RFXAP: variants seen among roughly 807,000 people sequenced by gnomAD.
RFXAP encodes the protein regulatory factor X associated protein.
RFXAP carries 21 observed loss-of-function variants against 25.7 expected under a neutral mutation model. That is an observed-to-expected ratio of 0.82 (90% confidence interval 0.58 to 1.18). The LOEUF (loss-of-function observed/expected upper bound fraction) is 1.18. Among genes scored for constraint, RFXAP ranks in the 50% most tolerant of loss-of-function variants. RFXAP has a pLI of 0.00. For missense variants in RFXAP, 333 were observed against 363.0 expected (o/e 0.92, Z 0.67); for synonymous variants, 161 against 152.2 (o/e 1.06, Z -0.43).
intron 1 of RFXAP, among the ~76,000 whole-genome samples, chr13:36,821,611 A>G (rs1259270078): frequency 1.3e-5 from 2 of 152,118 alleles, no homozygotes; most frequent in Non-Finnish European, 2.9e-5. Context: ...GCAGTGAGCC[A>G]TGGTTGTGCT....
At chr13:36,824,402 G>T (rs1169638968) in intron 1 of RFXAP, among the ~76,000 whole-genome samples, 3 of 152,044 alleles carry the variant, frequency 2.0e-5, no homozygotes, top group Non-Finnish European at 4.4e-5. Context: ...GTAATATCAG[G>T]TTGGTAAACT....
chr13:36,827,608 A>T, intron 2 of RFXAP, 35 bp from the exon 3 acceptor site: 4 of 1,397,908 alleles, frequency 2.9e-6, no homozygotes, highest in Non-Finnish European at 4.1e-6. Context: ...GACATAGATT[A>T]ATGCTATTAA....
Position 36,819,769 on chromosome 13 carries a change from A to T in RFXAP, c.412A>T (p.Ser138Cys), listed in dbSNP as rs779087570. 2.6e-6 allele frequency: 4 copies of T among 1,563,798 alleles called. No individual in the cohort carries two copies. Among genetic ancestry groups the T allele is most frequent in the East Asian group, 2.4e-5 (1 of 41,962 alleles). Reference sequence around the variant, plus strand: ...GCGGGGCAGCGGTGGGGGCAGCATGAGCAAGACCTGCACCTACGAAGGCTG... The same window carrying T: ...GCGGGGCAGCGGTGGGGGCAGCATGTGCAAGACCTGCACCTACGAAGGCTG... ...RRRGSGGGSM[S>C]KTCTYEGCSE... The change falls in exon 1 of 3, where the codon AGC becomes TGC. Residue 138 changes from serine to cysteine, a missense_variant. Transcript: ENST00000255476.
intron 2 of RFXAP, among the ~76,000 whole-genome samples, chr13:36,827,040 A>G (rs1415720437): frequency 6.6e-6 from 1 of 152,132 alleles, no homozygotes; most frequent in East Asian, 1.9e-4. Flanking sequence ...TATTATTACA[A>G]CTATATTTTA....
chr13:36,827,667 G>C lies in RFXAP; in HGVS notation c.733G>C (p.Val245Leu), dbSNP rs1267840324. 11 of 1,613,626 alleles carry C rather than the reference G, an allele frequency of 6.8e-6. No individual in the cohort carries two copies. The highest frequency in any genetic ancestry group is 2.2e-5 in the South Asian group (2 of 91,036). ...GTCGTTACTAAGAAGTCCAGAAGTAGTGCAATTTTTACAGAAACAGCAACA... is the reference window on the plus strand; with the variant it reads ...GTCGTTACTAAGAAGTCCAGAAGTACTGCAATTTTTACAGAAACAGCAACA... Reference protein sequence around the residue: ...RLSLLRSPEVVQFLQKQQQLL... With the variant: ...RLSLLRSPEVLQFLQKQQQLL... Residue 245 changes from valine to leucine, a missense_variant, in exon 3 of 3, where the codon GTG becomes CTG. Physicochemically the swap from Val to Leu is conservative, Grantham distance 32 (BLOSUM62 1). Coordinates refer to ENST00000255476, the MANE Select transcript of RFXAP (RefSeq NM_000538.4).
At chr13:36,824,618 A>G (rs751753109) in intron 1 of RFXAP, among the ~76,000 whole-genome samples, 13 of 152,216 alleles carry the variant, frequency 8.5e-5, no homozygotes, top group Non-Finnish European at 1.6e-4. Context: ...ATTGTGGCAT[A>G]GTTTTGTAAG....
intron 1 of RFXAP, among the ~76,000 whole-genome samples, chr13:36,820,908 C>T (rs1056523061): frequency 6.6e-5 from 10 of 152,102 alleles, no homozygotes; most frequent in Admixed American, 4.6e-4. Context: ...ACACAGTGTC[C>T]AGCAACTGGC....
intron 1 of RFXAP, among the ~76,000 whole-genome samples, chr13:36,820,243 A>T (rs1270676373): frequency 1.3e-5 from 2 of 152,240 alleles, no homozygotes; most frequent in East Asian, 3.8e-4. Flanking sequence ...AAGGACATAG[A>T]GTAAATGATC....
chr13:36,819,323 C>T lies in RFXAP; in HGVS notation c.-35C>T. ...CGTTAGGCCAAGCAGGTGCTAAAAG[C>T]CCGGGGTCGTGGACCCCGGCCAGGT... On this transcript the variant is annotated 5_prime_UTR_variant, in exon 1 of 3. Transcript: ENST00000255476. The T allele has an allele frequency of 8.0e-7, 1 of 1,251,006 alleles. No individual in the cohort carries two copies. The highest frequency in any genetic ancestry group is 3.1e-4 in the Middle Eastern group (1 of 3,196). 77.5% of individuals were successfully genotyped at this position (1,251,006 alleles called of 1,614,324 possible). A position where few individuals can be genotyped will look rare whatever the true frequency, so the allele number is the denominator to read the frequency against.
Position 36,819,243 on chromosome 13 carries a change from C to A in RFXAP, c.-115C>A, listed in dbSNP as rs1165122710. 6 of 1,085,618 alleles carry A rather than the reference C, an allele frequency of 5.5e-6. No homozygotes were observed. Among genetic ancestry groups the A allele is most frequent in the South Asian group, 4.8e-5 (1 of 21,028 alleles). The allele number at this position is 1,085,618 out of a possible 1,614,324, so 67.2% of individuals were successfully genotyped here. A position where few individuals can be genotyped will look rare whatever the true frequency, so the allele number is the denominator to read the frequency against. On this transcript the variant is annotated 5_prime_UTR_variant, in exon 1 of 3. Coordinates refer to ENST00000255476, the MANE Select transcript of RFXAP (RefSeq NM_000538.4). Reference sequence around the variant, plus strand: ...GCGCAGGCGCAGTCGGGGCGCCTTCCCGGTATAGGCGCCTTTTACCCCAGC... The same window carrying A: ...GCGCAGGCGCAGTCGGGGCGCCTTCACGGTATAGGCGCCTTTTACCCCAGC...
intron 1 of RFXAP, among the ~76,000 whole-genome samples, chr13:36,824,553 G>A (rs1002078351): frequency 9.2e-5 from 14 of 152,104 alleles, no homozygotes; most frequent in Non-Finnish European, 1.6e-4. Flanking sequence ...ATGGCTTTCC[G>A]GTAAAACATT....
At chr13:36,825,277 T>C in intron 1 of RFXAP, 151 bp from the exon 2 acceptor site, 3 of 603,740 alleles carry the variant, frequency 5.0e-6, no homozygotes, top group Non-Finnish European at 9.0e-6. Context: ...ACTTTGCCTA[T>C]GATAATGAAG....
chr13:36,824,227 C>T (rs903431920), intron 1 of RFXAP, among the ~76,000 whole-genome samples: 10 of 152,136 alleles, frequency 6.6e-5, no homozygotes, highest in Admixed American at 4.6e-4. Flanking sequence ...TCAATTTCAG[C>T]ATTCCATTAT....
At chr13:36,823,756 A>G (rs2057969995) in intron 1 of RFXAP, among the ~76,000 whole-genome samples, 2 of 152,220 alleles carry the variant, frequency 1.3e-5, no homozygotes, top group South Asian at 4.1e-4. Flanking sequence ...TACTCCACCA[A>G]TCTAAGAACT....
chr13:36,827,847 C>A lies in RFXAP; in HGVS notation c.*94C>A. The A allele has an allele frequency of 1.1e-6, 1 of 932,028 alleles. No homozygotes were observed. The highest frequency in any genetic ancestry group is 1.7e-6 in the Non-Finnish European group (1 of 582,736). 57.7% of individuals were successfully genotyped at this position (932,028 alleles called of 1,614,324 possible). ...GACATAAATGGGGTAATAATCTATG[C>A]CTGTAGAACATAAACATTTTCCTGT... On this transcript the variant is annotated 3_prime_UTR_variant, in exon 3 of 3. Coordinates refer to ENST00000255476, the MANE Select transcript of RFXAP (RefSeq NM_000538.4).
Position 36,819,560 on chromosome 13 carries a change from G to T in RFXAP, c.203G>T (p.Gly68Val), listed in dbSNP as rs868466260. Residue 68 changes from glycine to valine, a missense_variant, in exon 1 of 3, where the codon GGC (glycine) becomes GTC (valine). Coordinates refer to ENST00000255476, the MANE Select transcript of RFXAP (RefSeq NM_000538.4). ...AAAPGGSVGAGKPVRYLCEGA... is the reference protein window; with the variant it reads ...AAAPGGSVGAVKPVRYLCEGA... ...GCCCCCGGGGGCAGCGTTGGGGCGG[G>T]CAAGCCCGTTAGGTACCTGTGCGAA... 6.6e-7 allele frequency: 1 copy of T among 1,525,252 alleles called. No individual in the cohort carries two copies. Among genetic ancestry groups the T allele is most frequent in the Non-Finnish European group, 8.8e-7 (1 of 1,133,898 alleles). 94.5% of individuals were successfully genotyped at this position (1,525,252 alleles called of 1,614,324 possible).
Position 36,825,428 on chromosome 13 carries a change from G to T in RFXAP, c.601G>T (p.Glu201Ter). The change falls in exon 2 of 3, where the codon GAA becomes TAA. Residue 201 changes from glutamate (E) to a stop codon, truncating the protein, a stop_gained and splice_region_variant. Coordinates refer to ENST00000255476, the MANE Select transcript of RFXAP (RefSeq NM_000538.4). LOFTEE classifies it high-confidence loss of function. Reference sequence around the variant, plus strand: ...TTTGCATTTTTATCATTTATCCCAGGAAAGTGCAGATAACATACTCTCCAT... The same window carrying T: ...TTTGCATTTTTATCATTTATCCCAGTAAAGTGCAGATAACATACTCTCCAT... ...TGSAGNVKLE[E>*]SADNILSIVK... The T allele has an allele frequency of 6.2e-7, 1 of 1,606,906 alleles. No homozygotes were observed. Among genetic ancestry groups the T allele is most frequent in the Non-Finnish European group, 8.5e-7 (1 of 1,174,390 alleles).
At position 36,824,498 on chromosome 13, in the gene RFXAP, A is replaced by G. The variant is rs530095755; in HGVS notation, c.601-930A>G. ...AAGCCCAAGAGAAAAAACAGCATAGATAATATTCTAAGTAAAGAACAAAGA... is the reference window on the plus strand; with the variant it reads ...AAGCCCAAGAGAAAAAACAGCATAGGTAATATTCTAAGTAAAGAACAAAGA... On this transcript the variant is annotated intron_variant, in intron 1 of 2. Transcript: ENST00000255476. Among the ~76,000 whole-genome samples the G allele has an allele frequency of 2.0e-5, 3 of 152,308 alleles. No individual in the cohort carries two copies. In the South Asian group the frequency reaches 6.2e-4, roughly 32 times the overall value.
chr13:36,827,076 T>C (rs532952567), intron 2 of RFXAP, among the ~76,000 whole-genome samples: 2 of 152,246 alleles, frequency 1.3e-5, no homozygotes, highest in East Asian at 3.9e-4. Flanking sequence ...AAAAAGGTAT[T>C]GGATGTTTTA....
Sources: gnomAD v4.1 joint callset for allele counts (sites outside exome capture counted in the v4.1 genomes callset) on GRCh38, gnomAD v4.1.1 for gene constraint, MANE v1.5 for transcripts, NCBI Gene and HGNC (gene_info 2026-07-23, HGNC 2026-07-21) for gene names.